The following NOD1 variants were observed in gnomAD, a reference collection of about 807,000 sequenced individuals.
The protein encoded by NOD1 is nucleotide binding oligomerization domain containing 1, also known as nucleotide-binding oligomerization domain-containing protein 1.
Under a neutral mutation model 81.2 loss-of-function variants are expected in NOD1, and 70 were observed. That is an observed-to-expected ratio of 0.86 (90% confidence interval 0.71 to 1.05). The LOEUF (loss-of-function observed/expected upper bound fraction) is 1.05. Among genes scored for constraint, NOD1 ranks in the 50% least tolerant of loss-of-function variants. The pLI is 0.00. For missense variants in NOD1, 1,233 were observed against 1,228.0 expected, an observed-to-expected ratio of 1.00 and a Z score of -0.06; for synonymous variants, 508 against 526.9, an observed-to-expected ratio of 0.96 and a Z score of 0.49.
At chr7:30,456,689 C>T (rs775239841) in intron 4 of NOD1, 32 bp downstream of exon 4, 107 of 1,582,142 alleles carry the variant, frequency 6.8e-5, no homozygotes, top group Non-Finnish European at 8.7e-5. Flanking sequence ...GGGGTCCACA[C>T]AATGCCATGC....
At chr7:30,436,820 T>A (rs759262785) in intron 10 of NOD1, among the ~76,000 whole-genome samples, 3 of 152,154 alleles carry the variant, frequency 2.0e-5, no homozygotes, top group Non-Finnish European at 4.4e-5. Flanking sequence ...TTAAGGTGAT[T>A]CCTCAGGGAT....
rs75934729 is a variant in NOD1 at position 30,473,436 on chromosome 7, G to A, written c.-352+5170C>T. ...TCCAAACACCCCCCACATCTGTCTGGGTGAAGGCATGTTTTATTACACACA... is the reference window on the plus strand; with the variant it reads ...TCCAAACACCCCCCACATCTGTCTGAGTGAAGGCATGTTTTATTACACACA... On this transcript the variant is annotated intron_variant, in intron 1 of 13. Coordinates refer to ENST00000222823, the MANE Select transcript of NOD1 (RefSeq NM_006092.4). Among the ~76,000 whole-genome samples the A allele has an allele frequency of 1.1e-3, 173 of 152,222 alleles. 1 individual carries two copies. The highest frequency in any genetic ancestry group is 4.0e-3 in the African/African-American group (166 of 41,518).
intron 7 of NOD1, chr7:30,447,263 G>C: frequency 1.5e-6 from 1 of 645,818 alleles, no homozygotes; most frequent in South Asian, 1.8e-5. Context: ...GACAAGTCAC[G>C]TTACCTCTCT....
At chr7:30,426,037 C>T (rs1029578219) in intron 13 of NOD1, among the ~76,000 whole-genome samples, 5 of 152,070 alleles carry the variant, frequency 3.3e-5, no homozygotes, top group Admixed American at 1.3e-4. Flanking sequence ...TGAGGCACTC[C>T]CTCCCCTTGG....
At position 30,451,429 on chromosome 7, in the gene NOD1, T is replaced by C. The variant is rs1785691832; in HGVS notation, c.1988A>G (p.Gln663Arg). The C allele has an allele frequency of 6.2e-7, 1 of 1,613,818 alleles. No individual in the cohort carries two copies. Residue 663 changes from glutamine (Q) to arginine (R), a missense_variant, in exon 6 of 14, where the codon CAG (glutamine) becomes CGG (arginine). By Grantham distance (43) the Gln-to-Arg change is conservative. Coordinates refer to ENST00000222823, the MANE Select transcript of NOD1 (RefSeq NM_006092.4). This position sits in a 1 kb window ranked among gnomAD's most constrained non-coding sequence, Gnocchi z 4.2. The part of the protein sequence containing the change: ...IWMLRCIYET[Q>R]SQKVGQLAAR... ...CGCCAGCTGCCCCACCTTCTGGCTC[T>C]GTGTCTCGTAGATGCAGCGCAGCAT...
At chr7:30,448,684 G>A (rs1043349024) in intron 6 of NOD1, among the ~76,000 whole-genome samples, 3 of 152,212 alleles carry the variant, frequency 2.0e-5, no homozygotes, top group East Asian at 1.9e-4. Flanking sequence ...CACCCTTTGC[G>A]TGTGACCTAT....
At chr7:30,447,329 G>T (rs150126546) in intron 7 of NOD1, 136 of 470,100 alleles carry the variant, frequency 2.9e-4, no homozygotes, top group African/African-American at 1.6e-3. Flanking sequence ...CCCCTTGCAG[G>T]GTGGTTATGA....
In NOD1 at chr7:30,452,667, C is replaced by T; in HGVS notation, c.750G>A (p.Leu250=). 1 of 1,613,850 alleles carries T rather than the reference C, an allele frequency of 6.2e-7. No homozygotes were observed. The highest frequency in any genetic ancestry group is 8.5e-7 in the Non-Finnish European group (1 of 1,180,038). Residue 250 remains leucine, a synonymous_variant, in exon 6 of 14, where the codon CTG becomes CTA. Coordinates refer to ENST00000222823, the MANE Select transcript of NOD1 (RefSeq NM_006092.4). The stretch of plus-strand genomic sequence containing the variant: ...AGTAGTGCTTGAAGAGCAGGTCCTG[C>T]AGACACAGCCTGTCACTTTCCTTGA... ...SCFKESDRLC[L]QDLLFKHYCY...
chr7:30,425,760 C>A (rs752574172), intron 13 of NOD1, 50 bp from the exon 14 acceptor site: 2 of 1,233,054 alleles, frequency 1.6e-6, no homozygotes, highest in Admixed American at 3.4e-5. Context: ...GTTAAGGATC[C>A]TCGCACACTC....
In NOD1 at chr7:30,453,518, C is replaced by G. The variant is rs369031059; in HGVS notation, c.377-478G>C. 5.3e-4 allele frequency among the ~76,000 whole-genome samples: 81 copies of G among 152,268 alleles called. 2 individuals are homozygous for G. Among genetic ancestry groups the G allele is most frequent in the East Asian group, 3.9e-3 (20 of 5,180 alleles). ...TCATGCAGTCTCAAACTCCCAGGCTCAAGCAATCCTCCCACCTCAGCCTCC... is the reference window on the plus strand; with the variant it reads ...TCATGCAGTCTCAAACTCCCAGGCTGAAGCAATCCTCCCACCTCAGCCTCC... On this transcript the variant is annotated intron_variant, in intron 5 of 13. Coordinates refer to ENST00000222823, the MANE Select transcript of NOD1 (RefSeq NM_006092.4).
intron 1 of NOD1, among the ~76,000 whole-genome samples, chr7:30,472,684 T>C (rs540146503): frequency 1.3e-5 from 2 of 152,340 alleles, no homozygotes; most frequent in Non-Finnish European, 2.9e-5. Context: ...ATGATGGGAT[T>C]AGTGCCCTTA....
intron 11 of NOD1, among the ~76,000 whole-genome samples, chr7:30,435,694 C>CTG (rs2128003524): frequency 6.6e-6 from 1 of 152,242 alleles, no homozygotes; most frequent in African/African-American, 2.4e-5. Flanking sequence ...TGCAGTGGCT[C>CTG]ACACCTGCAA....
rs753180055 is a variant in NOD1 at position 30,433,083 on chromosome 7, C to G, written c.2705+13G>C. 1 of 1,584,642 alleles carries G rather than the reference C, an allele frequency of 6.3e-7. No individual in the cohort carries two copies. Among genetic ancestry groups the G allele is most frequent in the South Asian group, 1.1e-5 (1 of 90,226 alleles). ...AGTAGCACAGTCTGAAATTGTAAGGCTCTCTGAGTTACCATAAATGCTTTA... is the reference window on the plus strand; with the variant it reads ...AGTAGCACAGTCTGAAATTGTAAGGGTCTCTGAGTTACCATAAATGCTTTA... On this transcript the variant is annotated intron_variant, in intron 12 of 13. Transcript: ENST00000222823.
intron 12 of NOD1, among the ~76,000 whole-genome samples, chr7:30,429,746 T>C (rs182504764): frequency 6.2e-4 from 95 of 152,284 alleles, no homozygotes; most frequent in Middle Eastern, 3.4e-3. Flanking sequence ...ATCAAAATAT[T>C]TGGGGCCGGG....
At chr7:30,469,055 G>A in intron 1 of NOD1, 1 of 985,426 alleles carries the variant, frequency 1.0e-6, no homozygotes, top group African/African-American at 1.7e-5. Flanking sequence ...CATATGCTTG[G>A]TCAGCTCAAA....
chr7:30,455,114 G>T, intron 5 of NOD1, 23 bp downstream of exon 5: 1 of 1,609,582 alleles, frequency 6.2e-7, no homozygotes, highest in South Asian at 1.1e-5. Context: ...GGTGCCTGCG[G>T]TCTTGCTGGG....
chr7:30,427,617 C>T (rs1170015286), intron 13 of NOD1, among the ~76,000 whole-genome samples: 2 of 152,186 alleles, frequency 1.3e-5, no homozygotes, highest in South Asian at 2.1e-4. Flanking sequence ...GCACCCATGC[C>T]GCCTGTCCTG....
chr7:30,459,452 C>T (rs1042287775), intron 2 of NOD1, among the ~76,000 whole-genome samples: 1 of 152,094 alleles, frequency 6.6e-6, no homozygotes, highest in Non-Finnish European at 1.5e-5. Context: ...TCACACCTGT[C>T]CTTTATTTGC....
intron 6 of NOD1, among the ~76,000 whole-genome samples, chr7:30,448,803 C>T (rs1284388135): frequency 6.6e-6 from 1 of 152,198 alleles, no homozygotes; most frequent in African/African-American, 2.4e-5. Context: ...GCCCTGTCAT[C>T]TTGCAGGCAG....
Sources: gnomAD v4.1 joint callset for allele counts (sites outside exome capture counted in the v4.1 genomes callset) on GRCh38, gnomAD v4.1.1 for gene constraint, Gnocchi (gnomAD v3.1) non-coding constraint, MANE v1.5 for transcripts, NCBI Gene and HGNC (gene_info 2026-07-23, HGNC 2026-07-21) for gene names.